CSMD1: variants seen among roughly 807,000 people sequenced by gnomAD.
CSMD1 encodes the protein CUB and sushi domain-containing protein 1.
Under a neutral mutation model 417.5 loss-of-function variants are expected in CSMD1, and 213 were observed. The observed-to-expected ratio is 0.51, with a 90% CI of 0.46 to 0.57. The LOEUF is 0.57. Among genes scored for constraint, CSMD1 ranks in the 20% least tolerant of loss-of-function variants. The pLI is 0.00. For missense variants in CSMD1, 6,923 were observed against 4,529.7 expected, an observed-to-expected ratio of 1.53 and a Z score of -15.17; for synonymous variants, 2,862 against 1,736.8, an observed-to-expected ratio of 1.65 and a Z score of -16.11.
In CSMD1 at chr8:3,023,979, A is replaced by G. The variant is rs1250130137; in HGVS notation, c.7856-5329T>C. Among the ~76,000 whole-genome samples the G allele has an allele frequency of 3.9e-5, 6 of 152,104 alleles. No homozygotes were observed. In the South Asian group the frequency reaches 8.3e-4, roughly 21 times the overall value. ...TAGAGAGTGACACTGTGTATCTTCT[A>G]TGAAGAAGCTAGCACAGTGTGGAAA... On this transcript the variant is annotated intron_variant, in intron 51 of 69. Coordinates refer to ENST00000635120, the MANE Select transcript of CSMD1 (RefSeq NM_033225.6).
At chr8:3,997,857 G>A in intron 5 of CSMD1, 46 bp downstream of exon 5, 2 of 1,534,392 alleles carry the variant, frequency 1.3e-6, no homozygotes, top group South Asian at 1.2e-5. Flanking sequence ...GAAAAAACGG[G>A]GAAAACACAC....
rs73660003 is a variant in CSMD1, at chr8:3,435,253, G to A, written c.1562-25648C>T. ...GGGAAAGAAAATAGTATCCCTGACAGTTAATATGTGTTTTCACTGCACATA... is the reference window on the plus strand; with the variant it reads ...GGGAAAGAAAATAGTATCCCTGACAATTAATATGTGTTTTCACTGCACATA... On this transcript the variant is annotated intron_variant, in intron 12 of 69. Transcript: ENST00000635120. Among the ~76,000 whole-genome samples the A allele has an allele frequency of 9.2e-3, 1,402 of 152,286 alleles. 24 individuals are homozygous for A. Among genetic ancestry groups the A allele is most frequent in the African/African-American group, 0.031 (1,293 of 41,558 alleles).
Position 4,324,968 on chromosome 8 carries a change from T to G in CSMD1, c.415+94985A>C, listed in dbSNP as rs1463755499. On this transcript the variant is annotated intron_variant, in intron 3 of 69. Transcript: ENST00000635120. The stretch of plus-strand genomic sequence containing the variant: ...CAATTGTATTTGGAAAGGATATCAT[T>G]ATATCACTGTTGACACATCATTGCA... 3.3e-5 allele frequency among the ~76,000 whole-genome samples: 5 copies of G among 152,234 alleles called. No homozygotes were observed. The East Asian group carries it at 9.7e-4, about 30-fold the overall frequency.
chr8:4,719,916 G>A (rs966966326), intron 1 of CSMD1, among the ~76,000 whole-genome samples: 1 of 151,948 alleles, frequency 6.6e-6, no homozygotes, highest in Admixed American at 6.6e-5. Context: ...ACTTTTTATT[G>A]ATTTTAACAG....
intron 48 of CSMD1, among the ~76,000 whole-genome samples, chr8:3,088,393 T>G (rs1814691646): frequency 6.6e-6 from 1 of 152,152 alleles, no homozygotes; most frequent in African/African-American, 2.4e-5. Context: ...TTTAAAGAAT[T>G]TTAGATCTTC....
chr8:4,787,374 G>C, intron 1 of CSMD1: 1 of 731,616 alleles, frequency 1.4e-6, no homozygotes, highest in Non-Finnish European at 2.5e-6. Context: ...AAAATTGTAT[G>C]AGGGTAAAAC....
chr8:3,271,196 G>C (rs924455604), intron 26 of CSMD1, among the ~76,000 whole-genome samples: 27 of 150,624 alleles, frequency 1.8e-4, no homozygotes, highest in Non-Finnish European at 3.8e-4. Flanking sequence ...TTTTGTTCTT[G>C]CGATAGTTTA....
intron 1 of CSMD1, among the ~76,000 whole-genome samples, chr8:4,706,473 C>T (rs1050704454): frequency 3.9e-5 from 6 of 152,022 alleles, no homozygotes; most frequent in African/African-American, 1.2e-4. Flanking sequence ...CTCTATAATA[C>T]AAAAGGGGAA....
At chr8:4,101,746 T>G (rs971448582) in intron 3 of CSMD1, among the ~76,000 whole-genome samples, 1 of 152,204 alleles carries the variant, frequency 6.6e-6, no homozygotes, top group East Asian at 1.9e-4. Flanking sequence ...GGGCCAATGA[T>G]AAGTGAAAGC....
intron 2 of CSMD1, among the ~76,000 whole-genome samples, chr8:4,543,870 T>G (rs1232070311): frequency 6.6e-6 from 1 of 152,122 alleles, no homozygotes; most frequent in Non-Finnish European, 1.5e-5. Context: ...AATTTGCAAT[T>G]CCTTAGGGAC....
intron 2 of CSMD1, among the ~76,000 whole-genome samples, chr8:4,578,093 G>A (rs1799221886): frequency 6.6e-6 from 1 of 152,168 alleles, no homozygotes; most frequent in Non-Finnish European, 1.5e-5. Context: ...AGTTAGCTCA[G>A]AGCTGCTTCT....
At chr8:4,118,500 A>G (rs1355715345) in intron 3 of CSMD1, among the ~76,000 whole-genome samples, 2 of 151,716 alleles carry the variant, frequency 1.3e-5, no homozygotes, top group Non-Finnish European at 2.9e-5. Context: ...AAAGCTCATC[A>G]TCACTGGTCA....
At chr8:3,760,717 C>G (rs1337456510) in intron 5 of CSMD1, among the ~76,000 whole-genome samples, 1 of 152,170 alleles carries the variant, frequency 6.6e-6, no homozygotes, top group East Asian at 1.9e-4. Flanking sequence ...TTGAGTACTT[C>G]TCTTACATTA....
intron 2 of CSMD1, among the ~76,000 whole-genome samples, chr8:4,612,341 T>C (rs1049925072): frequency 2.0e-5 from 3 of 146,668 alleles, no homozygotes; most frequent in Non-Finnish European, 4.5e-5. Flanking sequence ...TTAGGAGCAC[T>C]TTCAGAATTG....
chr8:3,694,905 A>T (rs1481144378), intron 7 of CSMD1, among the ~76,000 whole-genome samples: 1 of 152,092 alleles, frequency 6.6e-6, no homozygotes, highest in African/African-American at 2.4e-5. Flanking sequence ...TGTGAGGGGA[A>T]ATCGCACATC....
chr8:2,966,720 G>A lies in CSMD1; in HGVS notation c.8950C>T (p.Pro2984Ser), dbSNP rs1343322524. The A allele has an allele frequency of 1.2e-6, 2 of 1,613,522 alleles. No individual in the cohort carries two copies. The highest frequency in any genetic ancestry group is 1.7e-6 in the Non-Finnish European group (2 of 1,179,802). ...CTACTGACAATCATTCCGTTGGTGG[G>A]TGTGCCAGGGTTGCCACAGGACACG... ...EAVSCGNPGT[P>S]TNGMIVSSDG... Residue 2984 changes from proline (P) to serine (S), a missense_variant, in exon 58 of 70, where the codon CCC becomes TCC. Coordinates refer to ENST00000635120, the MANE Select transcript of CSMD1 (RefSeq NM_033225.6).
At chr8:3,161,622 C>CAG (rs1554445593) in intron 38 of CSMD1, among the ~76,000 whole-genome samples, 5 of 79,514 alleles carry the variant, frequency 6.3e-5, no homozygotes, top group Non-Finnish European at 9.4e-5. Flanking sequence ...GACTCCCTCT[C>CAG]AGAAAAAAAA....
chr8:4,295,930 C>T (rs1037986317), intron 3 of CSMD1, among the ~76,000 whole-genome samples: 21 of 151,630 alleles, frequency 1.4e-4, no homozygotes, highest in African/African-American at 5.1e-4. Flanking sequence ...ATCTCAGGAA[C>T]ACAGCATGTC....
At chr8:3,286,839 T>G (rs935986729) in intron 25 of CSMD1, among the ~76,000 whole-genome samples, 1 of 152,134 alleles carries the variant, frequency 6.6e-6, no homozygotes, top group African/African-American at 2.4e-5. Context: ...TAGATCCCAT[T>G]TGTCAATTTT....
Sources: allele counts gnomAD v4.1 joint callset (sites outside exome capture counted in the v4.1 genomes callset), GRCh38; gene constraint gnomAD v4.1.1; transcripts MANE v1.5; gene names NCBI Gene and HGNC (gene_info 2026-07-23, HGNC 2026-07-21).